FBXO32: variants seen among roughly 807,000 people sequenced by gnomAD.
FBXO32 encodes F-box only protein 32.
A neutral mutation model predicts 48.3 loss-of-function variants in FBXO32; 15 were observed. The observed-to-expected ratio is 0.31, with a 90% CI of 0.21 to 0.48. FBXO32 has a LOEUF of 0.48. Among genes scored for constraint, FBXO32 ranks in the 20% least tolerant of loss-of-function variants. FBXO32 has a pLI of 0.99. For synonymous variants in FBXO32, 154 were observed against 165.9 expected (o/e 0.93, Z 0.55); for missense variants, 309 against 432.7 (o/e 0.71, Z 2.54).
chr8:123,507,438 GGTGTGTGTGTGTGTGT>G (rs200031056), intron 6 of FBXO32, among the ~76,000 whole-genome samples: 12 of 139,888 alleles, frequency 8.6e-5, no homozygotes, highest in African/African-American at 1.9e-4. Flanking sequence ...TCTGTGCTAG[GGTGTGTGTGTGTGTGT>G]GTGTGTGTGT....
chr8:123,503,148 C>T lies in FBXO32; in HGVS notation c.*225G>A, dbSNP rs143038109. On this transcript the variant is annotated 3_prime_UTR_variant, in exon 9 of 9. Transcript: ENST00000517956. ...AATTGTTAGAAAAAAAGTTTATTTA[C>T]AGTATTTTGCTTTTCCATACCAATT... 5.8e-5 allele frequency: 22 copies of T among 381,430 alleles called. No homozygotes were observed. The East Asian group carries it at 6.7e-4, about 12-fold the overall frequency. The allele number at this position is 381,430 out of a possible 1,614,324, so 23.6% of individuals were successfully genotyped here. A position where few individuals can be genotyped will look rare whatever the true frequency, so the allele number is the denominator to read the frequency against.
At chr8:123,519,068 T>A (rs1420078402) in intron 4 of FBXO32, among the ~76,000 whole-genome samples, 1 of 152,140 alleles carries the variant, frequency 6.6e-6, no homozygotes, top group Non-Finnish European at 1.5e-5. Flanking sequence ...CAAGCGATCC[T>A]CGTGTTTCAG....
At chr8:123,538,055 A>G (rs573572410) in intron 1 of FBXO32, among the ~76,000 whole-genome samples, 2 of 152,280 alleles carry the variant, frequency 1.3e-5, no homozygotes, top group Admixed American at 6.5e-5. Flanking sequence ...CAGCATATTT[A>G]ACACTTGCCA....
intron 1 of FBXO32, among the ~76,000 whole-genome samples, chr8:123,539,915 C>T (rs1186444190): frequency 1.3e-5 from 2 of 152,112 alleles, no homozygotes; most frequent in Non-Finnish European, 2.9e-5. Context: ...ACTTTCATCG[C>T]CCCCGCTCAC....
rs1587006860 is a variant in FBXO32 at position 123,541,006 on chromosome 8, G to A, written c.9C>T (p.Phe3=). Reference sequence around the variant, plus strand: ...CGGGGGACCGCCAGTCCTGCCCGAGGAATGGCATGGCACCGCGAGCGGACT... The same window carrying A: ...CGGGGGACCGCCAGTCCTGCCCGAGAAATGGCATGGCACCGCGAGCGGACT... MP[F]LGQDWRSPGQ... is the part of the protein sequence containing the mutation. The change falls in exon 1 of 9, where the codon TTC becomes TTT. Residue 3 remains phenylalanine (F), a synonymous_variant. Coordinates refer to ENST00000517956, the MANE Select transcript of FBXO32 (RefSeq NM_058229.4). The A allele has an allele frequency of 1.2e-6, 2 of 1,609,408 alleles. No homozygotes were observed. The highest frequency in any genetic ancestry group is 4.5e-5 in the East Asian group (2 of 44,472).
chr8:123,504,798 T>C (rs779465950), intron 7 of FBXO32, 51 bp from the exon 8 acceptor site: 2 of 1,579,312 alleles, frequency 1.3e-6, no homozygotes, highest in South Asian at 2.3e-5. Flanking sequence ...GTCAAGAAGA[T>C]GGCTTGTGGT....
chr8:123,501,706 G>C lies in FBXO32; in HGVS notation c.*1667C>G, dbSNP rs1216762254. ...CTTGCCTCGTTTCTCTCCATGCTTA[G>C]CCATCTTTCCCCCTTTCCAGGTCAC... On this transcript the variant is annotated 3_prime_UTR_variant, in exon 9 of 9. Coordinates refer to ENST00000517956, the MANE Select transcript of FBXO32 (RefSeq NM_058229.4). The C allele has an allele frequency of 4.6e-5, 7 of 152,162 alleles. No homozygotes were observed. Among genetic ancestry groups the C allele is most frequent in the African/African-American group, 2.4e-5 (1 of 41,422 alleles). 9.4% of individuals were successfully genotyped at this position (152,162 alleles called of 1,614,324 possible).
At chr8:123,510,156 G>A (rs1278411461) in intron 6 of FBXO32, among the ~76,000 whole-genome samples, 1 of 152,308 alleles carries the variant, frequency 6.6e-6, no homozygotes, top group African/African-American at 2.4e-5. Flanking sequence ...AATAATAACA[G>A]CTGATACATT....
In FBXO32 at chr8:123,501,196, A is replaced by G. The variant is rs1308255329; in HGVS notation, c.*2177T>C. Reference sequence around the variant, plus strand: ...AAATCTAAAAATGTCACTAAGAGTCAAAAGTTCCAGAGCTCTCTCAGTGAT... The same window carrying G: ...AAATCTAAAAATGTCACTAAGAGTCGAAAGTTCCAGAGCTCTCTCAGTGAT... On this transcript the variant is annotated 3_prime_UTR_variant, in exon 9 of 9. Coordinates refer to ENST00000517956, the MANE Select transcript of FBXO32 (RefSeq NM_058229.4). 1.3e-5 allele frequency: 2 copies of G among 152,222 alleles called. No individual in the cohort carries two copies. Among genetic ancestry groups the G allele is most frequent in the East Asian group, 1.9e-4 (1 of 5,188 alleles). 9.4% of individuals were successfully genotyped at this position (152,222 alleles called of 1,614,324 possible). A position where few individuals can be genotyped will look rare whatever the true frequency, so the allele number is the denominator to read the frequency against.
chr8:123,521,408 G>C (rs139924214), intron 4 of FBXO32, among the ~76,000 whole-genome samples: 1 of 152,356 alleles, frequency 6.6e-6, no homozygotes, highest in African/African-American at 2.4e-5. Context: ...CATCTGGCTG[G>C]TCAGGCTGAT....
At chr8:123,510,767 C>T (rs1337864230) in intron 6 of FBXO32, among the ~76,000 whole-genome samples, 3 of 152,250 alleles carry the variant, frequency 2.0e-5, no homozygotes, top group Admixed American at 6.5e-5. Flanking sequence ...GATTTACTGA[C>T]TGTCTCCGGC....
At position 123,506,004 on chromosome 8, in the gene FBXO32, G is replaced by A. The variant is rs1489247805; in HGVS notation, c.834+388C>T. On this transcript the variant is annotated intron_variant, in intron 7 of 8. Transcript: ENST00000517956. This position sits in a 1 kb window ranked among gnomAD's most constrained non-coding sequence, Gnocchi z 4.0. ...TTGGGGGTGCCGAGGCAGGAGGACTGCTTGAGGCCAGGAGTTTGAGGTCAG... is the reference window on the plus strand; with the variant it reads ...TTGGGGGTGCCGAGGCAGGAGGACTACTTGAGGCCAGGAGTTTGAGGTCAG... 6.6e-6 allele frequency among the ~76,000 whole-genome samples: 1 copy of A among 152,126 alleles called. No homozygotes were observed. Among genetic ancestry groups the A allele is most frequent in the Admixed American group, 6.5e-5 (1 of 15,270 alleles).
intron 6 of FBXO32, among the ~76,000 whole-genome samples, chr8:123,512,147 C>T (rs565026818): frequency 9.8e-5 from 15 of 152,294 alleles, no homozygotes; most frequent in African/African-American, 3.4e-4. Context: ...CCGTGCTCTG[C>T]TCTGTGTGTG....
At chr8:123,523,268 A>G (rs530749848) in intron 4 of FBXO32, among the ~76,000 whole-genome samples, 43 of 152,258 alleles carry the variant, frequency 2.8e-4, no homozygotes, top group African/African-American at 1.0e-3. Context: ...TAAGCCCCCA[A>G]CAGAGCCTAG....
In FBXO32 at chr8:123,513,918, G is replaced by A. The variant is rs1816785544; in HGVS notation, c.466+322C>T. ...TCTATTCTGACTTTGTACACATGTC[G>A]ATTTTCTAGGAATTTGGGACCCGGA... On this transcript the variant is annotated intron_variant, in intron 5 of 8. Coordinates refer to ENST00000517956, the MANE Select transcript of FBXO32 (RefSeq NM_058229.4). This position sits in a 1 kb window ranked among gnomAD's most constrained non-coding sequence, Gnocchi z 4.3. 1.1e-5 allele frequency: 3 copies of A among 269,612 alleles called. No individual in the cohort carries two copies. The highest frequency in any genetic ancestry group is 1.2e-4 in the South Asian group (1 of 8,408). 16.7% of individuals were successfully genotyped at this position (269,612 alleles called of 1,614,324 possible).
intron 4 of FBXO32, among the ~76,000 whole-genome samples, chr8:123,529,895 T>C (rs1817162993): frequency 1.3e-5 from 2 of 152,198 alleles, no homozygotes; most frequent in Admixed American, 1.3e-4. Flanking sequence ...ACTGACCATT[T>C]TGAAGATCAG....
chr8:123,537,214 C>T (rs533937473), intron 1 of FBXO32, among the ~76,000 whole-genome samples: 64 of 151,722 alleles, frequency 4.2e-4, no homozygotes, highest in Admixed American at 1.4e-3. Context: ...AAAACCACCA[C>T]CATTTAGGAA....
At position 123,540,875 on chromosome 8, in the gene FBXO32, G is replaced by T. The variant is rs527916239; in HGVS notation, c.116+24C>A. 3 of 1,594,814 alleles carry T rather than the reference G, an allele frequency of 1.9e-6. No homozygotes were observed. Among genetic ancestry groups the T allele is most frequent in the Non-Finnish European group, 2.6e-6 (3 of 1,164,584 alleles). On this transcript the variant is annotated intron_variant, in intron 1 of 8. Transcript: ENST00000517956. The surrounding 1 kb of genome is among the most constrained non-coding windows in gnomAD (Gnocchi z 6.4). ...GCCCGGGTCAGTTTCGCGGGGGCTG[G>T]AAGTTGGTAGCGGGTCCCCTCACCT...
intron 4 of FBXO32, among the ~76,000 whole-genome samples, chr8:123,517,884 C>A (rs1816871271): frequency 6.6e-6 from 1 of 152,160 alleles, no homozygotes; most frequent in African/African-American, 2.4e-5. Context: ...AAACTCCAGT[C>A]TTTTTGTGAA....
Sources: allele counts gnomAD v4.1 joint callset (sites outside exome capture counted in the v4.1 genomes callset), GRCh38; gene constraint gnomAD v4.1.1; non-coding constraint Gnocchi (gnomAD v3.1); transcripts MANE v1.5; gene names NCBI Gene and HGNC (gene_info 2026-07-23, HGNC 2026-07-21).